Variants in LAMA3 observed in about 807,000 individuals in gnomAD.
LAMA3 encodes laminin subunit alpha-3.
LAMA3 carries 281 observed loss-of-function variants against 402.0 expected under a neutral mutation model. The observed-to-expected ratio is 0.70, with a 90% confidence interval of 0.63 to 0.77. LAMA3 has a LOEUF of 0.77. LAMA3 is among the 30% of genes least tolerant of loss of function. The pLI is 0.00. For missense variants in LAMA3, 3,840 were observed against 4,215.5 expected (o/e 0.91, Z 2.47); for synonymous variants, 1,431 against 1,558.4 (o/e 0.92, Z 1.93).
chr18:23,873,531 C>A (rs1442262068), intron 38 of LAMA3, among the ~76,000 whole-genome samples: 2 of 152,158 alleles, frequency 1.3e-5, no homozygotes, highest in Non-Finnish European at 2.9e-5. Flanking sequence ...ACAAAAGAGT[C>A]CAATGCCTAT....
rs375120925 is a variant in LAMA3, at chr18:23,807,881, A to G, written c.1604-2485A>G. ...ACAAAATTAACCACTGTAGAACCCA[A>G]GAACATTTCCTCAGAATTCTACCAC... On this transcript the variant is annotated intron_variant, in intron 12 of 74. Coordinates refer to ENST00000313654, the MANE Select transcript of LAMA3 (RefSeq NM_198129.4). Among the ~76,000 whole-genome samples the G allele has an allele frequency of 8.5e-4, 129 of 152,340 alleles. 3 individuals carry two copies. In the South Asian group the frequency reaches 0.026, roughly 30 times the overall value.
At chr18:23,720,689 T>A (rs1272103759) in intron 2 of LAMA3, among the ~76,000 whole-genome samples, 1 of 152,166 alleles carries the variant, frequency 6.6e-6, no homozygotes, top group Non-Finnish European at 1.5e-5. Context: ...GCCCTTGAAG[T>A]CAAACAATTC....
In LAMA3 at chr18:23,889,179, G is replaced by A. The variant is rs186121251; in HGVS notation, c.5304-832G>A. On this transcript the variant is annotated intron_variant, in intron 41 of 74. Coordinates refer to ENST00000313654, the MANE Select transcript of LAMA3 (RefSeq NM_198129.4). The stretch of plus-strand genomic sequence containing the variant: ...GCAGTGGTTCATGCCTGTAATCCCA[G>A]CACTTTAGATACTGAGGCAGGAGGA... Among the ~76,000 whole-genome samples, 352 of 152,242 alleles carry A rather than the reference G, an allele frequency of 2.3e-3. 1 individual carries two copies. The highest frequency in any genetic ancestry group is 8.1e-3 in the African/African-American group (338 of 41,524).
At chr18:23,811,523 T>C (rs577457857) in intron 13 of LAMA3, among the ~76,000 whole-genome samples, 129 of 152,278 alleles carry the variant, frequency 8.5e-4, no homozygotes, top group African/African-American at 2.9e-3. Flanking sequence ...GCATCCTGCA[T>C]GGGTCTGCTC....
At position 23,784,029 on chromosome 18, in the gene LAMA3, A is replaced by G; in HGVS notation, c.1475A>G (p.Asp492Gly). The G allele has an allele frequency of 6.2e-7, 1 of 1,614,056 alleles. No individual in the cohort carries two copies. The highest frequency in any genetic ancestry group is 8.5e-7 in the Non-Finnish European group (1 of 1,179,994). ...DPVAGDIKGC[D>G]CNLEGVLPEI... ...AGTTTCCTGTCTTCTGCAGGGTGTG[A>G]CTGTAATCTGGAAGGTGTTCTCCCT... The change falls in exon 12 of 75, where the codon GAC becomes GGC. Residue 492 changes from aspartate (D) to glycine (G), a missense_variant. Around this residue, in one of 3 missense-constraint regions of LAMA3, gnomAD observed 2,109 missense variants for 2,376.0 expected, o/e 0.89. Coordinates refer to ENST00000313654, the MANE Select transcript of LAMA3 (RefSeq NM_198129.4).
At chr18:23,916,876 T>C (rs2081645272) in intron 60 of LAMA3, among the ~76,000 whole-genome samples, 181 bp downstream of exon 60, 1 of 152,142 alleles carries the variant, frequency 6.6e-6, no homozygotes, top group Non-Finnish European at 1.5e-5. Flanking sequence ...TTTTTTTTTT[T>C]TTTTAACATT....
intron 12 of LAMA3, among the ~76,000 whole-genome samples, chr18:23,798,000 C>T (rs1271303339): frequency 6.6e-6 from 1 of 152,136 alleles, no homozygotes; most frequent in African/African-American, 2.4e-5. Flanking sequence ...TTGACTCTAT[C>T]TTCAACCACA....
intron 5 of LAMA3, among the ~76,000 whole-genome samples, chr18:23,752,192 G>C (rs2061763856): frequency 6.6e-6 from 1 of 152,116 alleles, no homozygotes; most frequent in Non-Finnish European, 1.5e-5. Flanking sequence ...GTTGGGGACT[G>C]TGTTGAATCT....
chr18:23,833,775 G>T, intron 23 of LAMA3, 53 bp from the exon 24 acceptor site: 1 of 1,597,580 alleles, frequency 6.3e-7, no homozygotes, highest in Non-Finnish European at 8.6e-7. Flanking sequence ...TGCAAGTGTG[G>T]CCTGTACATG....
In LAMA3 at chr18:23,918,171, TG is replaced by T; in HGVS notation, c.7923+1477del. Among the ~76,000 whole-genome samples the T allele has an allele frequency of 6.6e-6, 1 of 152,312 alleles. No individual in the cohort carries two copies. The highest frequency in any genetic ancestry group is 1.9e-4 in the East Asian group (1 of 5,190). On this transcript the variant is annotated intron_variant, in intron 60 of 74. Transcript: ENST00000313654. The surrounding 1 kb of genome is among the most constrained non-coding windows in gnomAD (Gnocchi z 4.1). Reference sequence around the variant, plus strand: ...GAGTCCTTTCCCCATTGCTTGTTTTTGTTGACTTTGTCGAAGATCAGATGGT... The same window carrying T: ...GAGTCCTTTCCCCATTGCTTGTTTTTTTGACTTTGTCGAAGATCAGATGGT...
chr18:23,753,535 A>C (rs988202593), intron 5 of LAMA3, among the ~76,000 whole-genome samples, 186 bp from the exon 6 acceptor site: 4 of 152,224 alleles, frequency 2.6e-5, no homozygotes, highest in Admixed American at 2.6e-4. Context: ...CAAATTCAGC[A>C]GTATGTTATT....
At chr18:23,692,578 G>C (rs2060612468) in intron 1 of LAMA3, among the ~76,000 whole-genome samples, 1 of 152,056 alleles carries the variant, frequency 6.6e-6, no homozygotes, top group Admixed American at 6.6e-5. Context: ...GGCCCGTTTT[G>C]ATGTTTTAAA....
At position 23,899,268 on chromosome 18, in the gene LAMA3, GACC is replaced by G. The variant is rs753077028; in HGVS notation, c.5837-17_5837-15del. The G allele has an allele frequency of 2.8e-5, 45 of 1,605,258 alleles. No individual in the cohort carries two copies. Among genetic ancestry groups the G allele is most frequent in the Middle Eastern group, 1.7e-4 (1 of 6,048 alleles). ...GGAGCCCAGAATTCCCAGTCTAATA[GACC>G]ACTTGATGTTTCCTAGTTCTTTTAA... On this transcript the variant is annotated splice_polypyrimidine_tract_variant and intron_variant, in intron 46 of 74. Transcript: ENST00000313654.
intron 32 of LAMA3, 61 bp from the exon 33 acceptor site, chr18:23,857,783 G>T: frequency 6.2e-7 from 1 of 1,607,062 alleles, no homozygotes; most frequent in South Asian, 1.1e-5. Flanking sequence ...TAGTGTAAGT[G>T]AGCACTTTAA....
intron 39 of LAMA3, among the ~76,000 whole-genome samples, chr18:23,878,428 A>G (rs542453604): frequency 6.6e-5 from 10 of 152,352 alleles, no homozygotes; most frequent in South Asian, 2.1e-4. Flanking sequence ...GTTAAAAATC[A>G]TCAGACCTAA....
At chr18:23,944,062 C>A (rs1451204887) in intron 69 of LAMA3, 91 bp downstream of exon 69, 5 of 1,286,060 alleles carry the variant, frequency 3.9e-6, no homozygotes, top group Non-Finnish European at 5.5e-6. Flanking sequence ...CCTTCCCAGA[C>A]ATGAGGGCGT....
Position 23,815,459 on chromosome 18 carries a change from G to A in LAMA3, c.1942-9G>A. 6.2e-7 allele frequency: 1 copy of A among 1,608,714 alleles called. No homozygotes were observed. Among genetic ancestry groups the A allele is most frequent in the Non-Finnish European group, 8.5e-7 (1 of 1,175,084 alleles). On this transcript the variant is annotated splice_polypyrimidine_tract_variant and intron_variant, in intron 16 of 74. Transcript: ENST00000313654. ...ATCAAATGTTGTCATCTGGCTCACT[G>A]TTCTGCAGGGAGATGGTGACTGTCA...
intron 11 of LAMA3, among the ~76,000 whole-genome samples, chr18:23,779,229 G>T (rs549728674): frequency 6.6e-6 from 1 of 152,280 alleles, no homozygotes; most frequent in African/African-American, 2.4e-5. Context: ...ACAGAGAAAT[G>T]ATGTTATATA....
chr18:23,904,370 C>T (rs1455240761), intron 50 of LAMA3, among the ~76,000 whole-genome samples, 183 bp from the exon 51 acceptor site: 1 of 151,978 alleles, frequency 6.6e-6, no homozygotes, highest in Non-Finnish European at 1.5e-5. Flanking sequence ...GATGGCACCA[C>T]TGCAGTCAAA....
Sources: gnomAD v4.1 joint callset for allele counts (sites outside exome capture counted in the v4.1 genomes callset) on GRCh38, gnomAD v4.1.1 for gene constraint, gnomAD v4.1.1 regional missense constraint, Gnocchi (gnomAD v3.1) non-coding constraint, MANE v1.5 for transcripts, NCBI Gene and HGNC (gene_info 2026-07-23, HGNC 2026-07-21) for gene names.